The following ITGA2 variants were observed in gnomAD, a reference collection of about 807,000 sequenced individuals.
ITGA2 encodes integrin subunit alpha 2.
Under a neutral mutation model 146.3 loss-of-function variants are expected in ITGA2, and 101 were observed. The ratio of observed to expected loss-of-function variants is 0.69; its 90% CI spans 0.59 to 0.81. The LOEUF (loss-of-function observed/expected upper bound fraction) is 0.81. Ranked by LOEUF, ITGA2 falls within the 40% of genes least tolerant of loss-of-function variation. ITGA2 has a pLI of 0.00. For synonymous variants in ITGA2, 477 were observed against 487.1 expected, an observed-to-expected ratio of 0.98 and a Z score of 0.27; for missense variants, 1,281 against 1,402.7, an observed-to-expected ratio of 0.91 and a Z score of 1.39.
chr5:53,013,342 TAG>T (rs1365000838), intron 1 of ITGA2, among the ~76,000 whole-genome samples: 1 of 151,978 alleles, frequency 6.6e-6, no homozygotes, highest in Non-Finnish European at 1.5e-5. Flanking sequence ...CAACACCATT[TAG>T]TAAATGGGCA....
intron 1 of ITGA2, among the ~76,000 whole-genome samples, chr5:53,000,901 T>C (rs1463359672): frequency 1.4e-5 from 2 of 143,914 alleles, no homozygotes; most frequent in African/African-American, 2.5e-5. Context: ...CTTTTTGTTT[T>C]TTTTTTTTTT....
At chr5:53,044,908 A>C in intron 3 of ITGA2, 93 bp from the exon 4 acceptor site, 1 of 841,444 alleles carries the variant, frequency 1.2e-6, no homozygotes, top group Admixed American at 1.9e-5. Flanking sequence ...ATTCAATGCT[A>C]CATGCAAACA....
At chr5:53,080,232 T>C (rs994307071) in intron 24 of ITGA2, among the ~76,000 whole-genome samples, 12 of 152,170 alleles carry the variant, frequency 7.9e-5, no homozygotes, top group Non-Finnish European at 1.5e-4. Flanking sequence ...TGTTCCATTA[T>C]TGGCGCACTA....
chr5:53,070,026 C>T (rs1222386898), intron 16 of ITGA2, 83 bp from the exon 17 acceptor site: 10 of 1,143,060 alleles, frequency 8.7e-6, no homozygotes, highest in African/African-American at 1.5e-5. Flanking sequence ...GATACTTTGT[C>T]CAAGAAGACA....
At chr5:52,990,446 G>C (rs553228122) in intron 1 of ITGA2, among the ~76,000 whole-genome samples, 1 of 152,272 alleles carries the variant, frequency 6.6e-6, no homozygotes, top group East Asian at 1.9e-4. Context: ...GAGCTAGAGT[G>C]TGGTCAAATT....
intron 17 of ITGA2, 95 bp from the exon 18 acceptor site, chr5:53,071,843 A>C (rs534617538): frequency 2.4e-5 from 21 of 860,880 alleles, no homozygotes; most frequent in South Asian, 1.7e-4. Context: ...TCTAAATTGT[A>C]AACACATTTG....
chr5:53,074,504 C>A (rs374312293), intron 21 of ITGA2, 27 bp downstream of exon 21: 8 of 1,512,140 alleles, frequency 5.3e-6, no homozygotes, highest in Non-Finnish European at 7.4e-6. Flanking sequence ...ATCCTCCAAT[C>A]CATACAAGCC....
intron 2 of ITGA2, among the ~76,000 whole-genome samples, chr5:53,030,999 G>A (rs1479000415): frequency 1.3e-5 from 2 of 152,206 alleles, no homozygotes; most frequent in East Asian, 1.9e-4. Flanking sequence ...CCATTACAGT[G>A]CTAGAGTGGG....
Position 53,065,924 on chromosome 5 carries a change from G to T in ITGA2, c.1890G>T (p.Gly630=), listed in dbSNP as rs1745127129. 2 of 1,612,094 alleles carry T rather than the reference G, an allele frequency of 1.2e-6. No homozygotes were observed. Among genetic ancestry groups the T allele is most frequent in the East Asian group, 2.2e-5 (1 of 44,762 alleles). Residue 630 remains glycine, a synonymous_variant, in exon 15 of 30, where the codon GGG becomes GGT. Transcript: ENST00000296585. The part of the protein sequence containing the change: ...RSLDGYGDLN[G]DSITDVSIGA... ...TGGATGGCTATGGAGATTTAAATGG[G>T]GATTCCATCACCGATGTGTCTATTG... is the stretch of plus-strand genomic sequence containing the variant.
At chr5:53,073,342 A>G in intron 20 of ITGA2, 83 bp downstream of exon 20, 3 of 1,466,638 alleles carry the variant, frequency 2.0e-6, no homozygotes, top group East Asian at 4.5e-5. Flanking sequence ...TGAGTTGTTT[A>G]AAGAAGCACC....
chr5:53,043,257 C>T (rs1743891970), intron 3 of ITGA2, among the ~76,000 whole-genome samples: 1 of 149,302 alleles, frequency 6.7e-6, no homozygotes, highest in Non-Finnish European at 1.5e-5. Flanking sequence ...GTGTTCAAAG[C>T]TTTATTATAT....
intron 23 of ITGA2, among the ~76,000 whole-genome samples, chr5:53,078,250 C>T (rs956228433): frequency 3.3e-5 from 5 of 152,116 alleles, no homozygotes; most frequent in Admixed American, 1.3e-4. Flanking sequence ...AGACCCAAAC[C>T]ATTCAAATTG....
At chr5:53,072,522 T>C (rs1745445658) in intron 18 of ITGA2, 91 bp from the exon 19 acceptor site, 2 of 829,396 alleles carry the variant, frequency 2.4e-6, no homozygotes, top group Admixed American at 2.0e-5. Context: ...TTTTGTACTT[T>C]ATGTAAATAG....
At chr5:53,081,449 T>C (rs1745910229) in intron 25 of ITGA2, 143 bp from the exon 26 acceptor site, 4 of 703,738 alleles carry the variant, frequency 5.7e-6, no homozygotes, top group South Asian at 4.6e-5. Context: ...TTATATGAAG[T>C]GTGGCCAGGT....
At chr5:53,089,820 A>G (rs1352977421) in intron 28 of ITGA2, 126 bp from the exon 29 acceptor site, 1 of 745,044 alleles carries the variant, frequency 1.3e-6, no homozygotes, top group Non-Finnish European at 2.5e-6. Flanking sequence ...ATACGCCATC[A>G]TGAGCAAGTC....
chr5:53,044,957 G>T, intron 3 of ITGA2, 44 bp from the exon 4 acceptor site: 2 of 1,413,380 alleles, frequency 1.4e-6, no homozygotes, highest in South Asian at 2.3e-5. Context: ...TTAAGTAAAC[G>T]AGGAATTTTT....
At chr5:53,025,941 T>G (rs1561100124) in intron 1 of ITGA2, among the ~76,000 whole-genome samples, 4 of 152,146 alleles carry the variant, frequency 2.6e-5, no homozygotes, top group Admixed American at 2.6e-4. Flanking sequence ...TTCATTCCCT[T>G]TCCATCAGAA....
intron 1 of ITGA2, among the ~76,000 whole-genome samples, chr5:53,001,465 G>A (rs1741581381): frequency 6.6e-6 from 1 of 151,992 alleles, no homozygotes; most frequent in Non-Finnish European, 1.5e-5. Flanking sequence ...TCTATTCCTG[G>A]GATTTATCAG....
In ITGA2 at chr5:53,048,413, G is replaced by C; in HGVS notation, c.438G>C (p.Thr146=). The C allele has an allele frequency of 6.2e-7, 1 of 1,614,096 alleles. No individual in the cohort carries two copies. The change falls in exon 5 of 30, where the codon ACG becomes ACC. Residue 146 remains threonine (T), a synonymous_variant. Transcript: ENST00000296585. ...AATGTGGGAATCAGTATTACACAAC[G>C]GGTGTGTGTTCTGACATCAGTCCTG... ...AQQCGNQYYT[T]GVCSDISPDF...
Sources: gnomAD v4.1 joint callset for allele counts (sites outside exome capture counted in the v4.1 genomes callset) on GRCh38, gnomAD v4.1.1 for gene constraint, MANE v1.5 for transcripts, NCBI Gene and HGNC (gene_info 2026-07-23, HGNC 2026-07-21) for gene names.